FXYD4: variants seen among roughly 807,000 people sequenced by gnomAD.
FXYD4 encodes the protein FXYD domain-containing ion transport regulator 4.
FXYD4 carries 14 observed loss-of-function variants against 18.3 expected under a neutral mutation model. The observed-to-expected ratio is 0.77, with a 90% CI of 0.51 to 1.20. The LOEUF is 1.20. Among genes scored for constraint, FXYD4 ranks in the 50% most tolerant of loss-of-function variants. FXYD4 has a pLI of 0.00. For missense variants in FXYD4, 99 were observed against 106.1 expected (o/e 0.93, Z 0.29); for synonymous variants, 40 against 40.5 (o/e 0.99, Z 0.04).
rs1157847175 is a variant in FXYD4, at chr10:43,372,714, C to T, written c.-278-13C>T. On this transcript the variant is annotated splice_polypyrimidine_tract_variant and intron_variant, in intron 1 of 8. Transcript: ENST00000476166. ...ATGAGGTTGCTACTATTCTGATGAT[C>T]CTCCTTTTACAGGACACTGGTGAAG... 6.6e-6 allele frequency: 1 copy of T among 152,208 alleles called. No individual in the cohort carries two copies. The highest frequency in any genetic ancestry group is 6.5e-5 in the Admixed American group (1 of 15,272). 9.4% of individuals were successfully genotyped at this position (152,208 alleles called of 1,614,324 possible).
chr10:43,375,486 G>T lies in FXYD4; in HGVS notation c.98-13G>T. 1.2e-6 allele frequency: 2 copies of T among 1,611,088 alleles called. No homozygotes were observed. Among genetic ancestry groups the T allele is most frequent in the Non-Finnish European group, 1.7e-6 (2 of 1,177,358 alleles). On this transcript the variant is annotated splice_polypyrimidine_tract_variant and intron_variant, in intron 5 of 8. Coordinates refer to ENST00000476166, the MANE Select transcript of FXYD4 (RefSeq NM_173160.3). ...CCAGGCTGGTGCAAGCTCACTCTCT[G>T]TACCCACCCCAGACTGGAAAAACCT...
chr10:43,376,323 C>A lies in FXYD4; in HGVS notation c.*157C>A. The A allele has an allele frequency of 2.8e-6, 2 of 713,696 alleles. No individual in the cohort carries two copies. The highest frequency in any genetic ancestry group is 4.8e-6 in the Non-Finnish European group (2 of 412,558). 44.2% of individuals were successfully genotyped at this position (713,696 alleles called of 1,614,324 possible). ...GGCTTCTTTATGAATTAAACTCGCC[C>A]CACCACCCCCTCCTCGGTAGTCTTG... On this transcript the variant is annotated 3_prime_UTR_variant, in exon 9 of 9. Transcript: ENST00000476166.
In FXYD4 at chr10:43,376,073, A is replaced by T; in HGVS notation, c.250+4A>T. 1 of 1,614,078 alleles carries T rather than the reference A, an allele frequency of 6.2e-7. No homozygotes were observed. The highest frequency in any genetic ancestry group is 8.5e-7 in the Non-Finnish European group (1 of 1,179,988). ...GCCATCCCACTCATCACTCCAGGTG[A>T]GACGGGCTTCTGTGGGCTGAGGGGG... is the stretch of plus-strand genomic sequence containing the variant. On this transcript the variant is annotated splice_donor_region_variant and intron_variant, in intron 8 of 8. Coordinates refer to ENST00000476166, the MANE Select transcript of FXYD4 (RefSeq NM_173160.3).
chr10:43,375,679 C>CCT lies in FXYD4; in HGVS notation c.173-6_173-5dup, dbSNP rs766079499. 6.2e-7 allele frequency: 1 copy of CCT among 1,612,390 alleles called. No individual in the cohort carries two copies. The highest frequency in any genetic ancestry group is 8.5e-7 in the Non-Finnish European group (1 of 1,178,472). On this transcript the variant is annotated splice_polypyrimidine_tract_variant and intron_variant, in intron 6 of 8. Coordinates refer to ENST00000476166, the MANE Select transcript of FXYD4 (RefSeq NM_173160.3). The stretch of plus-strand genomic sequence containing the variant: ...TCCAGCACTGACCCTGGCGCTGACC[C>CCT]CTCTCTCTCTCCCAGGTGGCAAATG...
intron 1 of FXYD4, among the ~76,000 whole-genome samples, chr10:43,372,173 C>A (rs949201405): frequency 2.6e-5 from 4 of 152,120 alleles, no homozygotes; most frequent in African/African-American, 9.7e-5. Context: ...GGGAAGCCAG[C>A]TTTGGAGACT....
At chr10:43,375,646 G>A in intron 6 of FXYD4, 49 bp from the exon 7 acceptor site, 1 of 1,609,142 alleles carries the variant, frequency 6.2e-7, no homozygotes, top group Non-Finnish European at 8.5e-7. Flanking sequence ...AAGAGAGAGT[G>A]CTCTCATTCC....
intron 1 of FXYD4, 71 bp downstream of exon 1, chr10:43,371,768 GCCT>G (rs1046461564): frequency 1.3e-5 from 2 of 152,202 alleles, no homozygotes; most frequent in Admixed American, 6.6e-5. Flanking sequence ...GTAATGAGGA[GCCT>G]GTTGAGGGGT....
rs1178218376 is a variant in FXYD4 at position 43,374,699 on chromosome 10, A to G, written c.97+60A>G. 3 of 1,389,738 alleles carry G rather than the reference A, an allele frequency of 2.2e-6. No individual in the cohort carries two copies. In the Admixed American group the frequency reaches 5.0e-5, roughly 23 times the overall value. The allele number at this position is 1,389,738 out of a possible 1,614,324, so 86.1% of individuals were successfully genotyped here. Reference sequence around the variant, plus strand: ...TGCCTATCCTGGACCTCTTTGCTAGACAAGTTGGTGAGGGGTAGTGTGGAC... The same window carrying G: ...TGCCTATCCTGGACCTCTTTGCTAGGCAAGTTGGTGAGGGGTAGTGTGGAC... On this transcript the variant is annotated intron_variant, in intron 5 of 8. Coordinates refer to ENST00000476166, the MANE Select transcript of FXYD4 (RefSeq NM_173160.3).
At chr10:43,373,032 G>A (rs904834120) in intron 2 of FXYD4, among the ~76,000 whole-genome samples, 2 of 152,124 alleles carry the variant, frequency 1.3e-5, no homozygotes, top group Admixed American at 1.3e-4. Flanking sequence ...TACTCTGAGA[G>A]CAGAATCTGG....
At chr10:43,375,446 T>C in intron 5 of FXYD4, 53 bp from the exon 6 acceptor site, 1 of 1,392,716 alleles carries the variant, frequency 7.2e-7, no homozygotes, top group East Asian at 2.3e-5. Flanking sequence ...GTCTTTTGAA[T>C]GAATGACTGA....
intron 7 of FXYD4, 130 bp downstream of exon 7, chr10:43,375,864 C>T: frequency 8.3e-7 from 1 of 1,207,066 alleles, no homozygotes; most frequent in Non-Finnish European, 1.2e-6. Context: ...AGATAGTCAA[C>T]CCTGAAGGGC....
chr10:43,375,453 C>G, intron 5 of FXYD4, 46 bp from the exon 6 acceptor site: 1 of 1,451,020 alleles, frequency 6.9e-7, no homozygotes, highest in Non-Finnish European at 9.7e-7. Flanking sequence ...GAATGAATGA[C>G]TGAGGCCCCA....
rs1837846889 is a variant in FXYD4 at position 43,374,644 on chromosome 10, G to A, written c.97+5G>A. The A allele has an allele frequency of 6.2e-7, 1 of 1,611,156 alleles. No homozygotes were observed. Among genetic ancestry groups the A allele is most frequent in the Non-Finnish European group, 8.5e-7 (1 of 1,177,462 alleles). ...AAGACGATCCCTTCTACTATGGTAA[G>A]AGCTGATATTCCCACCCCCACCCTA... On this transcript the variant is annotated splice_donor_5th_base_variant and intron_variant, in intron 5 of 8. Coordinates refer to ENST00000476166, the MANE Select transcript of FXYD4 (RefSeq NM_173160.3).
intron 3 of FXYD4, among the ~76,000 whole-genome samples, 180 bp from the exon 4 acceptor site, chr10:43,374,290 G>A (rs1009692531): frequency 2.0e-5 from 3 of 152,210 alleles, no homozygotes; most frequent in Admixed American, 1.3e-4. Flanking sequence ...AGGAAGCCTG[G>A]GACAGCAGGG....
In FXYD4 at chr10:43,376,159, C is replaced by T; in HGVS notation, c.263C>T (p.Thr88Ile). 6.2e-7 allele frequency: 1 copy of T among 1,613,846 alleles called. No individual in the cohort carries two copies. The highest frequency in any genetic ancestry group is 8.5e-7 in the Non-Finnish European group (1 of 1,179,964). ...IPLITPGSAT[T>I]C is the part of the protein sequence containing the mutation. The stretch of plus-strand genomic sequence containing the variant: ...CCACTCTCCGCAGGCTCTGCCACTA[C>T]TTGCTGAGCACAGGACTGGCCTCCA... The change falls in exon 9 of 9, where the codon ACT (threonine) becomes ATT (isoleucine). Residue 88 changes from threonine (T) to isoleucine (I), a missense_variant. Physicochemically the swap from Thr to Ile is moderately conservative, Grantham distance 89 (BLOSUM62 -1). Coordinates refer to ENST00000476166, the MANE Select transcript of FXYD4 (RefSeq NM_173160.3).
chr10:43,372,409 C>G (rs561453951), intron 1 of FXYD4, among the ~76,000 whole-genome samples: 1 of 152,250 alleles, frequency 6.6e-6, no homozygotes, highest in East Asian at 1.9e-4. Flanking sequence ...CTCAGCTTCC[C>G]AAGTAGCTGG....
chr10:43,376,209 G>A lies in FXYD4; in HGVS notation c.*43G>A. On this transcript the variant is annotated 3_prime_UTR_variant, in exon 9 of 9. Transcript: ENST00000476166. ...AGGGATGGCCTGAAGCCTAACACTG[G>A]CCCCCAGCACCTCCTCCCCTGGGAG... is the stretch of plus-strand genomic sequence containing the variant. 1 of 1,609,220 alleles carries A rather than the reference G, an allele frequency of 6.2e-7. No individual in the cohort carries two copies. The highest frequency in any genetic ancestry group is 8.5e-7 in the Non-Finnish European group (1 of 1,177,068).
chr10:43,372,823 A>G (rs987660965), intron 2 of FXYD4, 51 bp downstream of exon 2: 1 of 152,164 alleles, frequency 6.6e-6, no homozygotes, highest in African/African-American at 2.4e-5. Context: ...TGGATCTGTG[A>G]TCTCATCAGG....
intron 5 of FXYD4, 114 bp from the exon 6 acceptor site, chr10:43,375,385 G>A: frequency 1.3e-6 from 1 of 766,564 alleles, no homozygotes; most frequent in Non-Finnish European, 2.3e-6. Flanking sequence ...TCTGTTGCTG[G>A]CTTGTCTTTA....
Sources: gnomAD v4.1 joint callset for allele counts (sites outside exome capture counted in the v4.1 genomes callset) on GRCh38, gnomAD v4.1.1 for gene constraint, MANE v1.5 for transcripts, NCBI Gene and HGNC (gene_info 2026-07-23, HGNC 2026-07-21) for gene names.